PATL2: variants seen among roughly 807,000 people sequenced by gnomAD.
PATL2 encodes the protein PAT1 homolog 2.
In PATL2, 73 loss-of-function variants were observed where a neutral mutation model predicts 77.0. The observed-to-expected ratio is 0.95, with a 90% CI of 0.78 to 1.15. The LOEUF is 1.15. Ranked by LOEUF, PATL2 falls within the 50% of genes most tolerant of loss-of-function variation. The probability of loss-of-function intolerance (pLI) is 0.00; values close to 1 mark genes in which losing one functional copy is unlikely to be tolerated. For missense variants in PATL2, 618 were observed against 655.4 expected (o/e 0.94, Z 0.62); for synonymous variants, 265 against 257.1 (o/e 1.03, Z -0.29).
At chr15:44,709,233 G>A (rs528979955) in intron 3 of PATL2, among the ~76,000 whole-genome samples, 2 of 152,194 alleles carry the variant, frequency 1.3e-5, no homozygotes, top group African/African-American at 4.8e-5. Context: ...TTCCTACCAG[G>A]ATTGTATGAG....
At chr15:44,679,534 T>TTTTTTC (rs1187176207) in intron 3 of PATL2, among the ~76,000 whole-genome samples, 6 of 150,274 alleles carry the variant, frequency 4.0e-5, no homozygotes, top group African/African-American at 7.3e-5. Flanking sequence ...GGCCAATTTT[T>TTTTTTC]TTTTTCTTTT....
chr15:44,692,499 T>G (rs2086413904), intron 3 of PATL2, among the ~76,000 whole-genome samples: 1 of 152,192 alleles, frequency 6.6e-6, no homozygotes, highest in Admixed American at 6.5e-5. Flanking sequence ...TTCTGCAGGC[T>G]CCTCCTGATG....
intron 3 of PATL2, among the ~76,000 whole-genome samples, chr15:44,699,294 C>T (rs898321069): frequency 2.0e-5 from 3 of 152,034 alleles, no homozygotes; most frequent in African/African-American, 7.2e-5. Flanking sequence ...TGGAGAGTTT[C>T]CACAATGTTT....
At chr15:44,696,316 T>C (rs2086501332) in intron 3 of PATL2, among the ~76,000 whole-genome samples, 3 of 152,208 alleles carry the variant, frequency 2.0e-5, no homozygotes, top group Non-Finnish European at 4.4e-5. Flanking sequence ...CTTCAACATT[T>C]ACCTAATCCA....
At chr15:44,701,136 G>T (rs1377200415) in intron 3 of PATL2, among the ~76,000 whole-genome samples, 1 of 151,782 alleles carries the variant, frequency 6.6e-6, no homozygotes, top group Non-Finnish European at 1.5e-5. Flanking sequence ...CATGATGAAT[G>T]ATTTTTTTTT....
intron 15 of PATL2, among the ~76,000 whole-genome samples, chr15:44,668,090 T>C (rs563351285): frequency 6.6e-5 from 10 of 152,212 alleles, no homozygotes; most frequent in South Asian, 2.1e-4. Flanking sequence ...GAGACTCACA[T>C]CAGCAGCAAT....
intron 4 of PATL2, chr15:44,676,246 C>T: frequency 5.4e-6 from 3 of 554,712 alleles, no homozygotes; most frequent in Non-Finnish European, 9.8e-6. Context: ...GTTCATTTAA[C>T]AGTAATATGA....
intron 9 of PATL2, among the ~76,000 whole-genome samples, chr15:44,671,660 C>T (rs2085684270): frequency 6.6e-6 from 1 of 152,116 alleles, no homozygotes; most frequent in Non-Finnish European, 1.5e-5. Flanking sequence ...CATCCCTGTG[C>T]TTTAGATCTA....
intron 3 of PATL2, among the ~76,000 whole-genome samples, chr15:44,693,632 G>C (rs908157029): frequency 6.6e-6 from 1 of 151,954 alleles, no homozygotes; most frequent in African/African-American, 2.4e-5. Flanking sequence ...GCAGGTTCTG[G>C]GGCATTATTC....
chr15:44,687,069 C>T (rs2086275603), intron 3 of PATL2, among the ~76,000 whole-genome samples: 1 of 152,160 alleles, frequency 6.6e-6, no homozygotes, highest in African/African-American at 2.4e-5. Flanking sequence ...CCAGCATCAT[C>T]CTGATACCAA....
At position 44,687,580 on chromosome 15, in the gene PATL2, T is replaced by G. The variant is rs536797971; in HGVS notation, c.-75-11015A>C. Among the ~76,000 whole-genome samples, 34 of 152,212 alleles carry G rather than the reference T, an allele frequency of 2.2e-4. No homozygotes were observed. In the East Asian group the frequency reaches 6.2e-3, roughly 28 times the overall value. The stretch of plus-strand genomic sequence containing the variant: ...AGGGCAATCAGGCAAAAGAAAGAAA[T>G]AAAGGGTATTCAAATAGGAAGAGAG... On this transcript the variant is annotated intron_variant, in intron 3 of 17. Coordinates refer to ENST00000682850, the MANE Select transcript of PATL2 (RefSeq NM_001387263.1).
chr15:44,673,411 C>A (rs1209115635), intron 6 of PATL2, 34 bp from the exon 7 acceptor site: 13 of 1,549,394 alleles, frequency 8.4e-6, no homozygotes, highest in Non-Finnish European at 1.1e-5. Flanking sequence ...GGGAGAACGC[C>A]ATCTCCACCA....
chr15:44,690,821 C>T (rs1030824478), intron 3 of PATL2, among the ~76,000 whole-genome samples: 3 of 152,006 alleles, frequency 2.0e-5, no homozygotes, highest in Admixed American at 6.6e-5. Flanking sequence ...CAATCAGTAA[C>T]CATGTCAAAA....
chr15:44,705,928 G>A (rs1180821835), intron 3 of PATL2, among the ~76,000 whole-genome samples: 1 of 151,352 alleles, frequency 6.6e-6, no homozygotes, highest in African/African-American at 2.4e-5. Flanking sequence ...AGCCTCCTGA[G>A]TAGCTGGGAT....
Position 44,669,530 on chromosome 15 carries a change from C to T in PATL2, c.910G>A (p.Val304Ile), listed in dbSNP as rs1411475298. The T allele has an allele frequency of 1.9e-6, 3 of 1,551,340 alleles. No homozygotes were observed. The highest frequency in any genetic ancestry group is 2.7e-5 in the African/African-American group (2 of 73,126). Reference sequence around the variant, plus strand: ...CTCACCTTCTCAATCCGGTATAATACCCGAAGCCTCTGACTGCTTGCAGCT... The same window carrying T: ...CTCACCTTCTCAATCCGGTATAATATCCGAAGCCTCTGACTGCTTGCAGCT... ...IEAASSQRLR[V>I]LYRIEKMFLQ... is the part of the protein sequence containing the mutation. The change falls in exon 12 of 18, where the codon GTA (valine) becomes ATA (isoleucine). Residue 304 changes from valine to isoleucine, a missense_variant. By Grantham distance (29) the Val-to-Ile change is conservative. Coordinates refer to ENST00000682850, the MANE Select transcript of PATL2 (RefSeq NM_001387263.1).
chr15:44,698,232 C>A (rs1336863636), intron 3 of PATL2, among the ~76,000 whole-genome samples: 2 of 151,790 alleles, frequency 1.3e-5, no homozygotes, highest in Non-Finnish European at 2.9e-5. Flanking sequence ...AGCATTTATC[C>A]TTTCTTTGTG....
intron 3 of PATL2, among the ~76,000 whole-genome samples, chr15:44,678,507 T>C (rs1283905652): frequency 6.6e-6 from 1 of 152,154 alleles, no homozygotes; most frequent in Non-Finnish European, 1.5e-5. Flanking sequence ...ATGTTCTAAC[T>C]TTCCTGCCAT....
intron 7 of PATL2, 53 bp downstream of exon 7, chr15:44,673,182 C>G: frequency 6.5e-7 from 1 of 1,541,614 alleles, no homozygotes; most frequent in Non-Finnish European, 8.8e-7. Context: ...TGGTCCCCGC[C>G]CCTCCTCAGC....
chr15:44,665,933 C>T lies in PATL2; in HGVS notation c.*20G>A, dbSNP rs907572257. The stretch of plus-strand genomic sequence containing the variant: ...CTGATGATTCAACTTCCCACATACA[C>T]GTATTCCAGAACAAACAGATCAGTA... On this transcript the variant is annotated 3_prime_UTR_variant, in exon 18 of 18. Transcript: ENST00000682850. 2.8e-5 allele frequency: 43 copies of T among 1,549,464 alleles called. No individual in the cohort carries two copies. The African/African-American group carries it at 2.9e-4, about 10-fold the overall frequency.
Sources: allele counts gnomAD v4.1 joint callset (sites outside exome capture counted in the v4.1 genomes callset), GRCh38; gene constraint gnomAD v4.1.1; transcripts MANE v1.5; gene names NCBI Gene and HGNC (gene_info 2026-07-23, HGNC 2026-07-21).